STK32B: variants seen among roughly 807,000 people sequenced by gnomAD.
The protein encoded by STK32B is serine/threonine kinase 32B.
In STK32B, 43 loss-of-function variants were observed where a neutral mutation model predicts 52.6. The observed-to-expected ratio is 0.82, with a 90% CI of 0.64 to 1.05. STK32B has a LOEUF of 1.05. STK32B is among the 50% of genes least tolerant of loss of function. The pLI, the probability that STK32B is intolerant of heterozygous loss-of-function variation, is 0.00. For missense variants in STK32B, 621 were observed against 534.6 expected, an observed-to-expected ratio of 1.16 and a Z score of -1.59; for synonymous variants, 238 against 204.3, an observed-to-expected ratio of 1.17 and a Z score of -1.41.
intron 3 of STK32B, among the ~76,000 whole-genome samples, chr4:5,220,725 C>T (rs190772936): frequency 2.0e-5 from 3 of 152,166 alleles, no homozygotes; most frequent in Non-Finnish European, 4.4e-5. Flanking sequence ...ATTATGTCTG[C>T]CTTGTTAGCT....
At chr4:5,294,660 AG>A (rs1729081430) in intron 3 of STK32B, among the ~76,000 whole-genome samples, 1 of 152,178 alleles carries the variant, frequency 6.6e-6, no homozygotes, top group African/African-American at 2.4e-5. Context: ...TATCAGCTCA[AG>A]GAGTTTTTGG....
chr4:5,230,176 CCCTTTTTTTTTTT>C (rs1268994838), intron 3 of STK32B, among the ~76,000 whole-genome samples: 1 of 101,604 alleles, frequency 9.8e-6, no homozygotes, highest in Non-Finnish European at 1.9e-5. Flanking sequence ...AGCATGCATT[CCCTTTTTTTTTTT>C]TTTTTTTTTT....
intron 1 of STK32B, among the ~76,000 whole-genome samples, chr4:5,055,721 C>G (rs13145598): frequency 0.28 from 41,862 of 151,984 alleles, 6,449 homozygotes; most frequent in South Asian, 0.44. Flanking sequence ...ACACCATAGC[C>G]CTGGCACCTG....
chr4:5,282,568 T>C (rs181612085), intron 3 of STK32B, among the ~76,000 whole-genome samples: 15 of 152,282 alleles, frequency 9.9e-5, no homozygotes, highest in Admixed American at 6.5e-4. Flanking sequence ...CTTGTGGTGA[T>C]GTGAGATGAT....
At chr4:5,319,577 G>T (rs1276759690) in intron 3 of STK32B, among the ~76,000 whole-genome samples, 3 of 152,042 alleles carry the variant, frequency 2.0e-5, no homozygotes, top group African/African-American at 7.2e-5. Flanking sequence ...ACGCACCCAG[G>T]CATACAGAGC....
chr4:5,237,266 A>G (rs561494134), intron 3 of STK32B, among the ~76,000 whole-genome samples: 23 of 152,320 alleles, frequency 1.5e-4, no homozygotes, highest in Admixed American at 1.0e-3. Context: ...AGCTCACGCC[A>G]GATTCCTACT....
intron 3 of STK32B, among the ~76,000 whole-genome samples, chr4:5,301,755 T>TTC (rs1729573490): frequency 6.6e-6 from 1 of 151,192 alleles, no homozygotes; most frequent in African/African-American, 2.4e-5. Context: ...GCTTTTTTTT[T>TTC]TTTGAAAACT....
At chr4:5,356,951 T>G (rs1345000852) in intron 4 of STK32B, among the ~76,000 whole-genome samples, 1 of 151,948 alleles carries the variant, frequency 6.6e-6, no homozygotes, top group African/African-American at 2.4e-5. Context: ...TGAGCCGAGA[T>G]CGTGCCATTG....
At chr4:5,479,336 C>G (rs1452743892) in intron 11 of STK32B, among the ~76,000 whole-genome samples, 2 of 152,076 alleles carry the variant, frequency 1.3e-5, no homozygotes, top group Non-Finnish European at 2.9e-5. Context: ...TCAGGCTGGT[C>G]TCAAATTCCC....
At chr4:5,457,494 C>T (rs1235586876) in intron 8 of STK32B, among the ~76,000 whole-genome samples, 3 of 151,344 alleles carry the variant, frequency 2.0e-5, no homozygotes, top group Middle Eastern at 3.4e-3. Context: ...GGATTACAGG[C>T]GTGAGCCACC....
chr4:5,240,977 TGTAA>T (rs1364722859), intron 3 of STK32B, among the ~76,000 whole-genome samples: 2 of 152,224 alleles, frequency 1.3e-5, no homozygotes, highest in African/African-American at 4.8e-5. Flanking sequence ...AAGTTCTTTT[TGTAA>T]GTCCTTCCAT....
At chr4:5,116,591 C>G (rs1011307722) in intron 1 of STK32B, among the ~76,000 whole-genome samples, 11 of 152,192 alleles carry the variant, frequency 7.2e-5, no homozygotes, top group Non-Finnish European at 1.5e-4. Flanking sequence ...CAGCTTTGTT[C>G]TTCTTGTTCA....
intron 3 of STK32B, among the ~76,000 whole-genome samples, chr4:5,237,409 C>T (rs1237269221): frequency 6.6e-6 from 1 of 152,194 alleles, no homozygotes; most frequent in African/African-American, 2.4e-5. Flanking sequence ...TACTGTCATG[C>T]TTCCATCTCA....
chr4:5,345,831 T>A (rs1412341592), intron 4 of STK32B, among the ~76,000 whole-genome samples: 1 of 152,252 alleles, frequency 6.6e-6, no homozygotes, highest in Non-Finnish European at 1.5e-5. Context: ...ATGACTCTCA[T>A]GGAAAAATGA....
At chr4:5,445,887 T>C (rs1019715107) in intron 6 of STK32B, among the ~76,000 whole-genome samples, 1 of 143,790 alleles carries the variant, frequency 7.0e-6, no homozygotes, top group Non-Finnish European at 1.5e-5. Flanking sequence ...GATTTACTCA[T>C]TGTGGGTATT....
At chr4:5,316,622 TATATATA>T (rs1730816934) in intron 3 of STK32B, among the ~76,000 whole-genome samples, 1 of 9,868 alleles carries the variant, frequency 1.0e-4, no homozygotes, top group Non-Finnish European at 1.3e-4. Flanking sequence ...TTATATATTA[TATATATA>T]ATATATAATA....
intron 1 of STK32B, among the ~76,000 whole-genome samples, chr4:5,093,801 T>A (rs989692229): frequency 4.6e-5 from 7 of 152,210 alleles, no homozygotes; most frequent in African/African-American, 1.7e-4. Context: ...AGTGATCTCT[T>A]GTAGTTCTGG....
chr4:5,040,799 A>G, the STK32B span, among the ~76,000 whole-genome samples: 50 of 152,312 alleles, frequency 3.3e-4, no homozygotes, highest in African/African-American at 1.1e-3. Context: ...ATGCGTTGTC[A>G]CCACATGCCA....
chr4:5,186,963 T>G (rs1252562903), intron 3 of STK32B, among the ~76,000 whole-genome samples: 9 of 152,184 alleles, frequency 5.9e-5, no homozygotes, highest in Admixed American at 4.6e-4. Context: ...CTGCCCGCAC[T>G]CCGACACTCA....
Sources: allele counts gnomAD v4.1 joint callset (sites outside exome capture counted in the v4.1 genomes callset), GRCh38; gene constraint gnomAD v4.1.1; transcripts MANE v1.5; gene names NCBI Gene and HGNC (gene_info 2026-07-23, HGNC 2026-07-21).